LIPK: variants seen among roughly 807,000 people sequenced by gnomAD.
LIPK encodes the protein lipase family member K.
Under a neutral mutation model 48.6 loss-of-function variants are expected in LIPK, and 32 were observed. The ratio of observed to expected loss-of-function variants is 0.66; its 90% CI spans 0.50 to 0.88. LIPK has a LOEUF of 0.88. LIPK is among the 40% of genes least tolerant of loss of function. The pLI is 0.00. For missense variants in LIPK, 507 were observed against 478.5 expected (o/e 1.06, Z -0.56); for synonymous variants, 164 against 157.4 (o/e 1.04, Z -0.32).
chr10:88,716,148 A>T (rs1044832409), intron 1 of LIPK, among the ~76,000 whole-genome samples: 3 of 152,146 alleles, frequency 2.0e-5, no homozygotes, highest in Non-Finnish European at 4.4e-5. Flanking sequence ...CAGGCAGGAG[A>T]CCAGTATAAT....
chr10:88,712,968 C>A (rs572407087), intron 1 of LIPK, among the ~76,000 whole-genome samples: 1 of 152,270 alleles, frequency 6.6e-6, no homozygotes, highest in East Asian at 1.9e-4. Flanking sequence ...CAGCCTGTAA[C>A]TCTATATTAG....
chr10:88,751,289 C>T (rs1472993405), intron 9 of LIPK, among the ~76,000 whole-genome samples: 1 of 151,868 alleles, frequency 6.6e-6, no homozygotes, highest in Non-Finnish European at 1.5e-5. Context: ...TGCCGATAGA[C>T]TGAGCTTAAA....
chr10:88,723,166 T>C (rs1372046302), intron 1 of LIPK, among the ~76,000 whole-genome samples: 1 of 152,172 alleles, frequency 6.6e-6, no homozygotes, highest in Non-Finnish European at 1.5e-5. Context: ...ATTACAGGCA[T>C]GAGCCATCAT....
intron 7 of LIPK, among the ~76,000 whole-genome samples, chr10:88,739,247 C>T (rs1842633499): frequency 6.6e-6 from 1 of 152,148 alleles, no homozygotes; most frequent in Non-Finnish European, 1.5e-5. Flanking sequence ...AGAAAACGAA[C>T]GTCAACATAC....
chr10:88,722,291 G>A (rs759204448), intron 1 of LIPK, among the ~76,000 whole-genome samples: 7 of 152,094 alleles, frequency 4.6e-5, no homozygotes, highest in African/African-American at 1.2e-4. Context: ...GCAAAACTCC[G>A]TCTCAGGAAA....
chr10:88,735,015 C>T (rs937538207), intron 6 of LIPK, among the ~76,000 whole-genome samples: 2 of 152,084 alleles, frequency 1.3e-5, no homozygotes, highest in East Asian at 3.9e-4. Flanking sequence ...CCAGTTCTTT[C>T]AATTGCTCCA....
At chr10:88,718,646 G>A (rs901384848) in intron 1 of LIPK, among the ~76,000 whole-genome samples, 4 of 152,062 alleles carry the variant, frequency 2.6e-5, no homozygotes, top group African/African-American at 9.6e-5. Context: ...GAGTTACACT[G>A]TTCCCAAACT....
In LIPK at chr10:88,740,006, A is replaced by C; in HGVS notation, c.827A>C (p.Asp276Ala). The change falls in exon 8 of 10, where the codon GAT becomes GCT. Residue 276 changes from aspartate to alanine, a missense_variant. By Grantham distance (126) the Asp-to-Ala change is moderately radical. Coordinates refer to ENST00000404190, the MANE Select transcript of LIPK (RefSeq NM_001080518.2). ...DPQNLNMSRLDVYLSHNPAGT... is the reference protein window; with the variant it reads ...DPQNLNMSRLAVYLSHNPAGT... ...GTAATCTCTTTGCAGAGTCGCTTGG[A>C]TGTTTATTTGTCACACAATCCTGCG... 1 of 1,407,406 alleles carries C rather than the reference A, an allele frequency of 7.1e-7. No individual in the cohort carries two copies. The highest frequency in any genetic ancestry group is 9.9e-7 in the Non-Finnish European group (1 of 1,011,250). 87.2% of individuals were successfully genotyped at this position (1,407,406 alleles called of 1,614,324 possible).
rs146837365 is a variant in LIPK, at chr10:88,719,223, T to A, written c.-11-5310T>A. Among the ~76,000 whole-genome samples the A allele has an allele frequency of 1.2e-3, 185 of 152,326 alleles. 2 individuals are homozygous for A. Among genetic ancestry groups the A allele is most frequent in the African/African-American group, 4.3e-3 (179 of 41,576 alleles). On this transcript the variant is annotated intron_variant, in intron 1 of 9. Transcript: ENST00000404190. ...TTTATCATCTTATTTATCACATCTT[T>A]ATCATCTTAAGCCAACCCTACACGT...
chr10:88,742,944 C>T (rs1188706346), intron 8 of LIPK, among the ~76,000 whole-genome samples: 1 of 152,120 alleles, frequency 6.6e-6, no homozygotes, highest in Non-Finnish European at 1.5e-5. Context: ...AAGAATCATT[C>T]AATTCCGCAT....
intron 9 of LIPK, among the ~76,000 whole-genome samples, chr10:88,745,830 G>C (rs1230740339): frequency 6.6e-6 from 1 of 152,174 alleles, no homozygotes; most frequent in Non-Finnish European, 1.5e-5. Flanking sequence ...AATGCAAAGA[G>C]TTGCAAGTTG....
intron 6 of LIPK, among the ~76,000 whole-genome samples, chr10:88,733,939 G>A (rs12356091): frequency 0.12 from 17,641 of 152,192 alleles, 1,271 homozygotes; most frequent in African/African-American, 0.21. Context: ...AACTAAGGAG[G>A]TATTAGGGGG....
In LIPK at chr10:88,724,606, C is replaced by G. The variant is rs768616525; in HGVS notation, c.63C>G (p.Asp21Glu). Residue 21 changes from aspartate (D) to glutamate (E), a missense_variant, in exon 2 of 10, where the codon GAC (aspartate) becomes GAG (glutamate). Coordinates refer to ENST00000404190, the MANE Select transcript of LIPK (RefSeq NM_001080518.2). ...TTCTTGGATCTATGTATGGTTATGA[C>G]AAGAAAGGAAACAATGCAAACCCTG... ...MLLLGSMYGY[D>E]KKGNNANPEA... 6.2e-7 allele frequency: 1 copy of G among 1,605,864 alleles called. No homozygotes were observed. Among genetic ancestry groups the G allele is most frequent in the East Asian group, 2.2e-5 (1 of 44,452 alleles).
Position 88,726,786 on chromosome 10 carries a change from T to A in LIPK, c.106-9T>A, listed in dbSNP as rs748269664. 2 of 1,373,536 alleles carry A rather than the reference T, an allele frequency of 1.5e-6. No homozygotes were observed. Among genetic ancestry groups the A allele is most frequent in the African/African-American group, 2.9e-5 (2 of 70,116 alleles). 85.1% of individuals were successfully genotyped at this position (1,373,536 alleles called of 1,614,324 possible). ...ACATGAAGGTATATATTTCCTTTCC[T>A]CTTTTTAGAGCCAGATTATTTCTTA... On this transcript the variant is annotated splice_polypyrimidine_tract_variant and intron_variant, in intron 2 of 9. Transcript: ENST00000404190.
At chr10:88,734,120 A>T (rs1842523196) in intron 6 of LIPK, among the ~76,000 whole-genome samples, 1 of 152,222 alleles carries the variant, frequency 6.6e-6, no homozygotes, top group Admixed American at 6.5e-5. Flanking sequence ...CCAATAGAAG[A>T]ACTGCCACAT....
chr10:88,725,622 T>C (rs187942565), intron 2 of LIPK, among the ~76,000 whole-genome samples: 42 of 152,342 alleles, frequency 2.8e-4, no homozygotes, highest in African/African-American at 9.1e-4. Context: ...CTCTTCCTGG[T>C]ATATAATCTT....
At chr10:88,738,043 A>G (rs1352990888) in intron 7 of LIPK, among the ~76,000 whole-genome samples, 1 of 152,152 alleles carries the variant, frequency 6.6e-6, no homozygotes, top group Non-Finnish European at 1.5e-5. Flanking sequence ...TGGTTTTGAT[A>G]TTTATCTTGC....
chr10:88,722,165 C>G (rs1032824129), intron 1 of LIPK, among the ~76,000 whole-genome samples: 2 of 152,068 alleles, frequency 1.3e-5, no homozygotes, highest in African/African-American at 4.8e-5. Context: ...TGTGGCGGCA[C>G]GCGCCTGTAA....
rs2134723116 is a variant in LIPK, at chr10:88,726,656, T to G, written c.106-139T>G. On this transcript the variant is annotated intron_variant, in intron 2 of 9. Coordinates refer to ENST00000404190, the MANE Select transcript of LIPK (RefSeq NM_001080518.2). ...CTGCAGTGAGCCAAGATCACACCAC[T>G]GCACTCCAGCCCAGGGAACACAGTG... 6.5e-6 allele frequency: 4 copies of G among 611,348 alleles called. No homozygotes were observed. In the East Asian group the frequency reaches 1.1e-4, roughly 17 times the overall value. The allele number at this position is 611,348 out of a possible 1,614,324, so 37.9% of individuals were successfully genotyped here.
Sources: allele counts gnomAD v4.1 joint callset (sites outside exome capture counted in the v4.1 genomes callset), GRCh38; gene constraint gnomAD v4.1.1; transcripts MANE v1.5; gene names NCBI Gene and HGNC (gene_info 2026-07-23, HGNC 2026-07-21).